Variants in USP54 observed in about 807,000 individuals in gnomAD.
USP54 encodes the protein ubiquitin specific peptidase 54, also known as ubiquitin carboxyl-terminal hydrolase 54.
USP54 carries 87 observed loss-of-function variants against 170.5 expected under a neutral mutation model. That is an observed-to-expected ratio of 0.51 (90% CI 0.43 to 0.61). USP54 has a LOEUF of 0.61. USP54 is among the 20% of genes least tolerant of loss of function. The pLI, the probability that USP54 is intolerant of heterozygous loss-of-function variation, is 0.00. For synonymous variants in USP54, 655 were observed against 742.8 expected, an observed-to-expected ratio of 0.88 and a Z score of 1.92; for missense variants, 1,786 against 2,047.8, an observed-to-expected ratio of 0.87 and a Z score of 2.47.
intron 4 of USP54, among the ~76,000 whole-genome samples, chr10:73,547,516 T>C (rs2068128645): frequency 6.6e-6 from 1 of 152,210 alleles, no homozygotes; most frequent in African/African-American, 2.4e-5. Flanking sequence ...AACAGCATGG[T>C]ACTGGTACCA....
intron 4 of USP54, among the ~76,000 whole-genome samples, chr10:73,552,513 G>A (rs752344284): frequency 3.3e-5 from 5 of 151,990 alleles, no homozygotes; most frequent in African/African-American, 7.3e-5. Context: ...TACATCAGCC[G>A]GGCGTGGTGG....
upstream of USP54, among the ~76,000 whole-genome samples, chr10:73,596,064 T>C (rs1442171583): frequency 6.8e-6 from 1 of 147,620 alleles, no homozygotes; most frequent in Non-Finnish European, 1.5e-5. Flanking sequence ...TGAGCTGAGA[T>C]GGTGCCACCG....
intron 20 of USP54, among the ~76,000 whole-genome samples, chr10:73,510,330 G>A (rs955830954): frequency 8.6e-5 from 13 of 151,658 alleles, no homozygotes; most frequent in African/African-American, 2.2e-4. Context: ...ACGAGACCTC[G>A]TCTAAAAAAT....
intron 4 of USP54, 56 bp from the exon 5 acceptor site, chr10:73,545,728 T>A: frequency 5.0e-6 from 8 of 1,589,478 alleles, no homozygotes; most frequent in Non-Finnish European, 6.9e-6. Context: ...TAAACTTCTA[T>A]ACATCCTAGT....
At chr10:73,584,452 A>T (rs2132159285) in intron 1 of USP54, among the ~76,000 whole-genome samples, 1 of 151,854 alleles carries the variant, frequency 6.6e-6, no homozygotes, top group South Asian at 2.1e-4. Flanking sequence ...TATATGTGAA[A>T]CCTCTTGGTT....
chr10:73,500,944 G>A lies in USP54; in HGVS notation c.4312-106C>T, dbSNP rs112673115. 15,315 of 1,246,650 alleles carry A rather than the reference G, an allele frequency of 0.012. 861 individuals are homozygous for A. The African/African-American group carries it at 0.16, about 13-fold the overall frequency. 77.2% of individuals were successfully genotyped at this position (1,246,650 alleles called of 1,614,324 possible). ...AAGCAAAGGGAAATGGAGGGAACCA[G>A]AGCACAAACATGCCTACATGCCTTG... On this transcript the variant is annotated intron_variant, in intron 22 of 23. Coordinates refer to ENST00000687698, the MANE Select transcript of USP54 (RefSeq NM_001391956.1).
intron 4 of USP54, among the ~76,000 whole-genome samples, chr10:73,554,685 T>C (rs926856699): frequency 2.6e-5 from 4 of 152,248 alleles, no homozygotes; most frequent in Non-Finnish European, 4.4e-5. Flanking sequence ...TCAACAATTA[T>C]CAACCTGTGG....
chr10:73,559,884 C>T (rs2072396845), intron 4 of USP54, among the ~76,000 whole-genome samples: 2 of 151,172 alleles, frequency 1.3e-5, no homozygotes, highest in South Asian at 2.1e-4. Flanking sequence ...TGGCCAACAT[C>T]GTGAAATCAC....
intron 4 of USP54, among the ~76,000 whole-genome samples, chr10:73,563,849 T>A (rs2073673662): frequency 6.6e-6 from 1 of 152,220 alleles, no homozygotes; most frequent in South Asian, 2.1e-4. Flanking sequence ...TCTCTTTGCA[T>A]TCTTTATGGA....
intron 16 of USP54, among the ~76,000 whole-genome samples, chr10:73,525,872 T>C (rs968796664): frequency 3.3e-5 from 5 of 152,212 alleles, no homozygotes; most frequent in Admixed American, 1.3e-4. Flanking sequence ...TCAGTAACTA[T>C]CAAGAGAATT....
At chr10:73,615,430 TAC>T (rs1412913508) in intron 1 of USP54, among the ~76,000 whole-genome samples, 2 of 150,168 alleles carry the variant, frequency 1.3e-5, no homozygotes, top group Non-Finnish European at 2.9e-5. Flanking sequence ...AATGGATAAT[TAC>T]AGTCAATAAT....
chr10:73,619,543 A>G (rs564117390), intron 1 of USP54, among the ~76,000 whole-genome samples: 1 of 150,134 alleles, frequency 6.7e-6, no homozygotes, highest in South Asian at 2.1e-4. Context: ...AAAAAAAAAA[A>G]AAAAGAAAGA....
chr10:73,533,520 C>A (rs2064502103), intron 12 of USP54, among the ~76,000 whole-genome samples: 1 of 150,870 alleles, frequency 6.6e-6, no homozygotes. Context: ...CTATTCTATA[C>A]AGTTTTGAAT....
At chr10:73,619,631 G>A (rs960626561) in intron 1 of USP54, among the ~76,000 whole-genome samples, 4 of 150,206 alleles carry the variant, frequency 2.7e-5, no homozygotes, top group Non-Finnish European at 5.9e-5. Context: ...GTATTATAAC[G>A]CAGTTGTATT....
intron 1 of USP54, among the ~76,000 whole-genome samples, chr10:73,615,446 A>G (rs2132331899): frequency 6.7e-6 from 1 of 150,206 alleles, no homozygotes; most frequent in East Asian, 2.0e-4. Context: ...CAATAATTTA[A>G]TTGTACATTT....
intron 1 of USP54, among the ~76,000 whole-genome samples, chr10:73,607,333 A>AAG (rs1564957555): frequency 1.8e-4 from 14 of 79,200 alleles, no homozygotes; most frequent in East Asian, 6.7e-4. Flanking sequence ...AAAAAAAAAA[A>AAG]AAAGAAAAAA....
intron 1 of USP54, among the ~76,000 whole-genome samples, chr10:73,596,719 T>C (rs1422139011): frequency 1.2e-4 from 2 of 16,310 alleles, no homozygotes; most frequent in Non-Finnish European, 2.5e-4. Flanking sequence ...AGATCCTGTC[T>C]CAAAAAAAAA....
intron 1 of USP54, among the ~76,000 whole-genome samples, chr10:73,606,738 G>A (rs1243137104): frequency 1.3e-5 from 2 of 152,016 alleles, no homozygotes; most frequent in Non-Finnish European, 2.9e-5. Flanking sequence ...AATTAGCCAG[G>A]TGTGGTGGCG....
chr10:73,591,860 A>G (rs1414925903), upstream of USP54, among the ~76,000 whole-genome samples: 1 of 152,238 alleles, frequency 6.6e-6, no homozygotes, highest in African/African-American at 2.4e-5. Context: ...CAGAATTCCA[A>G]GACTGGGCTT....
Sources: allele counts gnomAD v4.1 joint callset (sites outside exome capture counted in the v4.1 genomes callset), GRCh38; gene constraint gnomAD v4.1.1; transcripts MANE v1.5; gene names NCBI Gene and HGNC (gene_info 2026-07-23, HGNC 2026-07-21).